Variants in CHST11 observed in about 807,000 individuals in gnomAD.
CHST11 encodes the protein carbohydrate sulfotransferase 11.
In CHST11, 9 loss-of-function variants were observed where a neutral mutation model predicts 30.4. The ratio of observed to expected loss-of-function variants is 0.30; its 90% confidence interval spans 0.18 to 0.52. The LOEUF is 0.52. Among genes scored for constraint, CHST11 ranks in the 20% least tolerant of loss-of-function variants. CHST11 has a pLI of 0.97. For missense variants in CHST11, 348 were observed against 460.6 expected, an observed-to-expected ratio of 0.76 and a Z score of 2.24; for synonymous variants, 152 against 187.8, an observed-to-expected ratio of 0.81 and a Z score of 1.56.
At chr12:104,507,945 C>A (rs1251452449) in intron 1 of CHST11, among the ~76,000 whole-genome samples, 1 of 152,190 alleles carries the variant, frequency 6.6e-6, no homozygotes, top group Non-Finnish European at 1.5e-5. Context: ...ACTGCAGAGT[C>A]ACAGTGCCAA....
chr12:104,649,581 G>A (rs990420794), intron 2 of CHST11, among the ~76,000 whole-genome samples: 4 of 152,150 alleles, frequency 2.6e-5, no homozygotes, highest in African/African-American at 4.8e-5. Flanking sequence ...AACCTAAGGG[G>A]GAGTAGGCGA....
At chr12:104,493,382 T>A (rs2037768424) in intron 1 of CHST11, among the ~76,000 whole-genome samples, 1 of 152,204 alleles carries the variant, frequency 6.6e-6, no homozygotes, top group Non-Finnish European at 1.5e-5. Flanking sequence ...CTACTTAATT[T>A]GCTCTTTAAT....
At chr12:104,570,989 C>T (rs1320620457) in intron 1 of CHST11, among the ~76,000 whole-genome samples, 6 of 151,928 alleles carry the variant, frequency 3.9e-5, no homozygotes, top group African/African-American at 4.8e-5. Context: ...CCTCACCCAG[C>T]GCACTGTGCT....
intron 2 of CHST11, among the ~76,000 whole-genome samples, chr12:104,743,904 C>T (rs2040368233): frequency 6.6e-6 from 1 of 150,998 alleles, no homozygotes; most frequent in Non-Finnish European, 1.5e-5. Flanking sequence ...ATTATGGCCT[C>T]CAGCTCCATC....
chr12:104,514,596 AC>A (rs1234266621), intron 1 of CHST11, among the ~76,000 whole-genome samples: 2 of 152,176 alleles, frequency 1.3e-5, no homozygotes, highest in Non-Finnish European at 2.9e-5. Context: ...ACGAAGTATG[AC>A]GTCAGTGTCT....
intron 1 of CHST11, among the ~76,000 whole-genome samples, chr12:104,524,336 A>C (rs2038102800): frequency 6.6e-6 from 1 of 152,124 alleles, no homozygotes; most frequent in Admixed American, 6.5e-5. Context: ...GCGATAGTTC[A>C]GTAGTGGCCT....
intron 1 of CHST11, among the ~76,000 whole-genome samples, chr12:104,476,238 T>C (rs1012244741): frequency 1.4e-5 from 2 of 146,098 alleles, no homozygotes; most frequent in African/African-American, 5.0e-5. Flanking sequence ...TGTAATAGCA[T>C]ATGTTACACA....
At chr12:104,547,417 T>C (rs1480629594) in intron 1 of CHST11, among the ~76,000 whole-genome samples, 1 of 152,170 alleles carries the variant, frequency 6.6e-6, no homozygotes, top group Non-Finnish European at 1.5e-5. Flanking sequence ...GATGGGTGCA[T>C]GCGAGTACTT....
At chr12:104,605,502 C>T (rs777320507) in intron 2 of CHST11, among the ~76,000 whole-genome samples, 21 of 152,148 alleles carry the variant, frequency 1.4e-4, no homozygotes, top group Non-Finnish European at 1.8e-4. Flanking sequence ...TGGCGTGAGC[C>T]CGGGAGGCGG....
chr12:104,513,126 G>A (rs12370944), intron 1 of CHST11, among the ~76,000 whole-genome samples: 1 of 54,844 alleles, frequency 1.8e-5, no homozygotes, highest in African/African-American at 7.0e-5. Flanking sequence ...TCATGACTGG[G>A]GGGGGGGGGG....
intron 1 of CHST11, among the ~76,000 whole-genome samples, chr12:104,578,686 A>C (rs1301129631): frequency 1.3e-5 from 2 of 152,192 alleles, no homozygotes; most frequent in African/African-American, 2.4e-5. Context: ...AAAGTGATTC[A>C]CATGTAAGCC....
intron 2 of CHST11, among the ~76,000 whole-genome samples, chr12:104,643,422 C>G (rs564834726): frequency 6.6e-6 from 1 of 152,188 alleles, no homozygotes; most frequent in South Asian, 2.1e-4. Flanking sequence ...GGGTTAGATA[C>G]GTCAGATGCA....
chr12:104,635,741 G>C lies in CHST11; in HGVS notation c.204+33750G>C, dbSNP rs913193364. On this transcript the variant is annotated intron_variant, in intron 2 of 2. Coordinates refer to ENST00000303694, the MANE Select transcript of CHST11 (RefSeq NM_018413.6). ...TGGTCTCATCCAAAGAAGCAAATTAGGGAGTCTGTTCTTTGCAAATGTTGG... is the reference window on the plus strand; with the variant it reads ...TGGTCTCATCCAAAGAAGCAAATTACGGAGTCTGTTCTTTGCAAATGTTGG... Among the ~76,000 whole-genome samples, 12 of 152,222 alleles carry C rather than the reference G, an allele frequency of 7.9e-5. 1 individual carries two copies. The highest frequency in any genetic ancestry group is 7.9e-4 in the Admixed American group (12 of 15,278).
At chr12:104,747,814 G>T (rs1405487137) in intron 2 of CHST11, among the ~76,000 whole-genome samples, 1 of 152,060 alleles carries the variant, frequency 6.6e-6, no homozygotes, top group Non-Finnish European at 1.5e-5. Flanking sequence ...TGCCCACCCC[G>T]AGACAGTCAA....
intron 2 of CHST11, among the ~76,000 whole-genome samples, chr12:104,716,770 C>A (rs1048369514): frequency 6.6e-6 from 1 of 152,226 alleles, no homozygotes; most frequent in African/African-American, 2.4e-5. Context: ...ACCTTAGATT[C>A]GAAGACGAAG....
At chr12:104,743,134 C>T (rs1394864509) in intron 2 of CHST11, among the ~76,000 whole-genome samples, 1 of 152,194 alleles carries the variant, frequency 6.6e-6, no homozygotes, top group South Asian at 2.1e-4. Context: ...ACTGGGAATA[C>T]AACAGTGAAC....
intron 1 of CHST11, among the ~76,000 whole-genome samples, chr12:104,476,787 G>C (rs551554574): frequency 4.6e-5 from 7 of 151,862 alleles, no homozygotes; most frequent in South Asian, 2.1e-4. Context: ...CTGTCATCCA[G>C]ATTCCTGATG....
intron 1 of CHST11, among the ~76,000 whole-genome samples, chr12:104,477,178 T>C (rs1209119197): frequency 6.6e-6 from 1 of 152,174 alleles, no homozygotes; most frequent in East Asian, 1.9e-4. Flanking sequence ...AGATACATTT[T>C]CACTGCTACT....
rs1056178383 is a variant in CHST11, at chr12:104,601,045, C to T, written c.119-861C>T. Among the ~76,000 whole-genome samples the T allele has an allele frequency of 2.0e-5, 3 of 150,170 alleles. No individual in the cohort carries two copies. In the Admixed American group the frequency reaches 2.0e-4, roughly 10 times the overall value. On this transcript the variant is annotated intron_variant, in intron 1 of 2. Coordinates refer to ENST00000303694, the MANE Select transcript of CHST11 (RefSeq NM_018413.6). ...CTTCCCTCCTTCCTTCTCTCCCTCT[C>T]TACTGCTCTCTTTCCTTCCCTCCTA...
Sources: allele counts gnomAD v4.1 joint callset (sites outside exome capture counted in the v4.1 genomes callset), GRCh38; gene constraint gnomAD v4.1.1; transcripts MANE v1.5; gene names NCBI Gene and HGNC (gene_info 2026-07-23, HGNC 2026-07-21).